STAU2: variants seen among roughly 807,000 people sequenced by gnomAD.
The protein encoded by STAU2 is staufen double-stranded RNA binding protein 2.
STAU2 carries 20 observed loss-of-function variants against 65.9 expected under a neutral mutation model. The ratio of observed to expected loss-of-function variants is 0.30; its 90% CI spans 0.21 to 0.44. The LOEUF is 0.44. Ranked by LOEUF, STAU2 falls within the 20% of genes least tolerant of loss-of-function variation. The pLI, the probability that STAU2 is intolerant of heterozygous loss-of-function variation, is 1.00. For synonymous variants in STAU2, 232 were observed against 233.9 expected, an observed-to-expected ratio of 0.99 and a Z score of 0.07; for missense variants, 558 against 683.9, an observed-to-expected ratio of 0.82 and a Z score of 2.05.
intron 13 of STAU2, among the ~76,000 whole-genome samples, chr8:73,502,067 T>A (rs753102765): frequency 2.6e-5 from 4 of 151,894 alleles, no homozygotes; most frequent in African/African-American, 9.7e-5. Context: ...TGGAAAACAT[T>A]TTCTTAAAAT....
intron 3 of STAU2, among the ~76,000 whole-genome samples, chr8:73,736,186 T>C (rs1238119673): frequency 6.6e-6 from 1 of 152,230 alleles, no homozygotes; most frequent in Non-Finnish European, 1.5e-5. Context: ...GGAGAGTTAG[T>C]TGCATTTGTG....
intron 13 of STAU2, among the ~76,000 whole-genome samples, chr8:73,508,475 T>G (rs1822194220): frequency 1.3e-5 from 2 of 152,124 alleles, no homozygotes; most frequent in Non-Finnish European, 2.9e-5. Flanking sequence ...CTAAAACAAT[T>G]ACAATAGTAA....
intron 6 of STAU2, among the ~76,000 whole-genome samples, chr8:73,638,014 GA>G (rs994372533): frequency 4.7e-4 from 68 of 146,106 alleles, no homozygotes; most frequent in Non-Finnish European, 7.6e-4. Flanking sequence ...TTTTTCAAAG[GA>G]AAAAAAAACA....
chr8:73,672,283 G>C (rs929587081), intron 6 of STAU2: 7 of 152,080 alleles, frequency 4.6e-5, no homozygotes, highest in Non-Finnish European at 7.4e-5. Context: ...GATATAAAAA[G>C]TTCAACAACA....
intron 5 of STAU2, among the ~76,000 whole-genome samples, chr8:73,678,102 C>T (rs761378561): frequency 3.3e-5 from 5 of 152,170 alleles, no homozygotes; most frequent in African/African-American, 7.2e-5. Context: ...ACTCAATGCA[C>T]GTGAGTCTCT....
chr8:73,493,232 T>A (rs1282935477), intron 13 of STAU2, among the ~76,000 whole-genome samples: 1 of 151,356 alleles, frequency 6.6e-6, no homozygotes, highest in Non-Finnish European at 1.5e-5. Context: ...TAGAAAAAAG[T>A]TTCTTAAAGA....
At chr8:73,634,997 G>A (rs1814385133) in intron 6 of STAU2, among the ~76,000 whole-genome samples, 1 of 152,186 alleles carries the variant, frequency 6.6e-6, no homozygotes. Flanking sequence ...GGACAGAAAT[G>A]TCTGTTGATG....
intron 13 of STAU2, among the ~76,000 whole-genome samples, chr8:73,539,774 C>T (rs746401245): frequency 4.0e-5 from 6 of 150,028 alleles, no homozygotes; most frequent in Non-Finnish European, 5.9e-5. Context: ...ACCTGGGAGG[C>T]GGAGGCTGCA....
chr8:73,431,123 AC>A (rs1488954084), intron 13 of STAU2, among the ~76,000 whole-genome samples: 4 of 152,190 alleles, frequency 2.6e-5, no homozygotes, highest in Non-Finnish European at 5.9e-5. Context: ...AAGCTGTGTA[AC>A]TTCCCACACG....
chr8:73,562,923 C>G (rs1221122500), intron 12 of STAU2, among the ~76,000 whole-genome samples: 1 of 151,900 alleles, frequency 6.6e-6, no homozygotes, highest in Non-Finnish European at 1.5e-5. Flanking sequence ...CCAGCCTGGG[C>G]AACACAGCAA....
At chr8:73,458,582 T>G (rs962956534) in intron 13 of STAU2, 2 of 146,664 alleles carry the variant, frequency 1.4e-5, no homozygotes, top group Admixed American at 6.7e-5. Flanking sequence ...GTGTAGAAGC[T>G]TCTTTTAAAA....
At chr8:73,728,306 C>T (rs1805795446) in intron 3 of STAU2, among the ~76,000 whole-genome samples, 1 of 152,094 alleles carries the variant, frequency 6.6e-6, no homozygotes, top group Non-Finnish European at 1.5e-5. Flanking sequence ...ATCCTTATGC[C>T]AGTACCACAC....
intron 4 of STAU2, among the ~76,000 whole-genome samples, chr8:73,695,062 C>T (rs1045562031): frequency 3.3e-5 from 5 of 152,152 alleles, no homozygotes; most frequent in African/African-American, 1.2e-4. Context: ...TAGGCAACTC[C>T]TAGTGTGAGG....
intron 6 of STAU2, among the ~76,000 whole-genome samples, chr8:73,618,782 G>A (rs1437442809): frequency 6.6e-6 from 1 of 152,240 alleles, no homozygotes; most frequent in Non-Finnish European, 1.5e-5. Context: ...AGCAATGGAA[G>A]TAACGAGAAG....
At position 73,552,293 on chromosome 8, in the gene STAU2, G is replaced by A. The variant is rs1261004301; in HGVS notation, c.1249C>T (p.Pro417Ser). Residue 417 changes from proline to serine, a missense_variant, in exon 13 of 15, where the codon CCT (proline) becomes TCT (serine). Around this residue, in one of 3 missense-constraint regions of STAU2, gnomAD observed 247 missense variants for 270.1 expected, o/e 0.91. Coordinates refer to ENST00000524300, the MANE Select transcript of STAU2 (RefSeq NM_001164380.2). The part of the protein sequence containing the change: ...NTPKGILHLS[P>S]DVYQEMEASR... Reference sequence around the variant, plus strand: ...GCTTCCATCTCTTGATAAACATCAGGAGACAAATGAAGAATTCCTTTTGGA... The same window carrying A: ...GCTTCCATCTCTTGATAAACATCAGAAGACAAATGAAGAATTCCTTTTGGA... 7.4e-6 allele frequency: 12 copies of A among 1,612,734 alleles called. No individual in the cohort carries two copies. The highest frequency in any genetic ancestry group is 3.3e-5 in the Admixed American group (2 of 59,814).
intron 13 of STAU2, among the ~76,000 whole-genome samples, chr8:73,500,718 T>C (rs1179867681): frequency 1.5e-4 from 23 of 151,644 alleles, no homozygotes. Context: ...TCTTACTCTG[T>C]TCATATGTTT....
chr8:73,678,102 CG>C (rs986814197), intron 5 of STAU2, among the ~76,000 whole-genome samples: 22 of 152,170 alleles, frequency 1.4e-4, no homozygotes, highest in Non-Finnish European at 2.9e-4. Context: ...ACTCAATGCA[CG>C]TGAGTCTCTT....
chr8:73,602,820 G>A (rs952680793), intron 10 of STAU2, among the ~76,000 whole-genome samples: 1 of 151,746 alleles, frequency 6.6e-6, no homozygotes, highest in African/African-American at 2.4e-5. Context: ...AATGAATCAT[G>A]TCTAATGTAA....
Position 73,615,786 on chromosome 8 carries a change from A to C in STAU2, c.571-4T>G. 6.3e-7 allele frequency: 1 copy of C among 1,593,486 alleles called. No individual in the cohort carries two copies. Among genetic ancestry groups the C allele is most frequent in the Non-Finnish European group, 8.6e-7 (1 of 1,162,724 alleles). ...CATCCTTTCCTGATTCACCATTCTA[A>C]ATCACAAAAAATAGGATAACACTGA... On this transcript the variant is annotated splice_polypyrimidine_tract_variant and splice_region_variant and intron_variant, in intron 7 of 14. Transcript: ENST00000524300.
Sources: gnomAD v4.1 joint callset for allele counts (sites outside exome capture counted in the v4.1 genomes callset) on GRCh38, gnomAD v4.1.1 for gene constraint, gnomAD v4.1.1 regional missense constraint, MANE v1.5 for transcripts, NCBI Gene and HGNC (gene_info 2026-07-23, HGNC 2026-07-21) for gene names.